Variants in ARHGAP28 observed in about 807,000 individuals in gnomAD.
The protein encoded by ARHGAP28 is Rho GTPase activating protein 28, also known as rho GTPase-activating protein 28.
In ARHGAP28, 56 loss-of-function variants were observed where a neutral mutation model predicts 90.7. The ratio of observed to expected loss-of-function variants is 0.62; its 90% CI spans 0.50 to 0.77. The LOEUF (loss-of-function observed/expected upper bound fraction) is 0.77, where lower values mean the gene tolerates loss of function less well. ARHGAP28 is among the 30% of genes least tolerant of loss of function. The pLI is 0.00. For missense variants in ARHGAP28, 869 were observed against 900.9 expected (o/e 0.96, Z 0.45); for synonymous variants, 308 against 323.3 (o/e 0.95, Z 0.51).
At chr18:6,784,121 T>C (rs966914154) in intron 1 of ARHGAP28, among the ~76,000 whole-genome samples, 3 of 152,090 alleles carry the variant, frequency 2.0e-5, no homozygotes, top group Non-Finnish European at 4.4e-5. Flanking sequence ...ATCCATGCAG[T>C]TGGAGATCCC....
intron 11 of ARHGAP28, 35 bp downstream of exon 11, chr18:6,882,334 A>G: frequency 6.3e-7 from 1 of 1,580,170 alleles, no homozygotes; most frequent in Non-Finnish European, 8.6e-7. Context: ...ATACGCTAAG[A>G]TATAAGGTCA....
chr18:6,900,744 G>A (rs893078999), intron 16 of ARHGAP28, among the ~76,000 whole-genome samples: 2 of 152,104 alleles, frequency 1.3e-5, no homozygotes, highest in Non-Finnish European at 2.9e-5. Context: ...GAGTGAGACT[G>A]AAAGAATATT....
At chr18:6,862,562 T>C (rs2057006983) in intron 5 of ARHGAP28, among the ~76,000 whole-genome samples, 1 of 152,242 alleles carries the variant, frequency 6.6e-6, no homozygotes, top group Non-Finnish European at 1.5e-5. Context: ...TGTCTGTCTC[T>C]ATGGTTTGTT....
chr18:6,830,738 A>G (rs1366463974), intron 2 of ARHGAP28, among the ~76,000 whole-genome samples: 1 of 152,214 alleles, frequency 6.6e-6, no homozygotes, highest in Non-Finnish European at 1.5e-5. Context: ...AAATAAGGTT[A>G]TATTCATAGA....
Position 6,914,883 on chromosome 18 carries a change from T to C in ARHGAP28, c.*2729T>C, listed in dbSNP as rs747923322. 4 of 152,632 alleles carry C rather than the reference T, an allele frequency of 2.6e-5. No homozygotes were observed. Among genetic ancestry groups the C allele is most frequent in the Non-Finnish European group, 5.9e-5 (4 of 68,032 alleles). The allele number at this position is 152,632 out of a possible 1,614,324, so 9.5% of individuals were successfully genotyped here. ...TTGTTAAGCAGCTCACTTGGAAATA[T>C]GATTCTTGGAGTCAATGATCTCTAA... On this transcript the variant is annotated 3_prime_UTR_variant, in exon 18 of 18. Transcript: ENST00000383472.
intron 16 of ARHGAP28, among the ~76,000 whole-genome samples, chr18:6,906,325 A>G (rs1412021518): frequency 1.3e-5 from 2 of 152,208 alleles, no homozygotes; most frequent in Admixed American, 6.5e-5. Flanking sequence ...TCAAAGGGAC[A>G]GTTCAATAGC....
intron 4 of ARHGAP28, among the ~76,000 whole-genome samples, chr18:6,852,347 T>G (rs948471981): frequency 1.3e-5 from 2 of 152,228 alleles, no homozygotes; most frequent in African/African-American, 4.8e-5. Flanking sequence ...AAATAATCTG[T>G]CAAGGTGTTG....
At chr18:6,869,253 C>T (rs77943753) in intron 6 of ARHGAP28, among the ~76,000 whole-genome samples, 1,499 of 68,082 alleles carry the variant, frequency 0.022, 121 homozygotes, top group Middle Eastern at 0.039. Flanking sequence ...TTTTGCCATT[C>T]TTTTTTTTTT....
intron 1 of ARHGAP28, among the ~76,000 whole-genome samples, chr18:6,741,562 A>C (rs1486369480): frequency 6.6e-6 from 1 of 152,236 alleles, no homozygotes; most frequent in African/African-American, 2.4e-5. Context: ...GATTTCGATT[A>C]TACCAATCCT....
chr18:6,819,752 T>C lies in ARHGAP28; in HGVS notation c.123-5010T>C, dbSNP rs561333669. On this transcript the variant is annotated intron_variant, in intron 1 of 17. Coordinates refer to ENST00000383472, the MANE Select transcript of ARHGAP28 (RefSeq NM_001366230.1). ...GATCTCTGTAGTCCCATGGTGTTTA[T>C]CTCAAAACGCTTTTAGCAGGAGGGA... 1.0e-3 allele frequency among the ~76,000 whole-genome samples: 158 copies of C among 152,194 alleles called. 1 individual carries two copies. Among genetic ancestry groups the C allele is most frequent in the Non-Finnish European group, 6.5e-4 (44 of 68,030 alleles).
chr18:6,885,103 T>A (rs946635415), intron 11 of ARHGAP28, among the ~76,000 whole-genome samples: 1 of 152,228 alleles, frequency 6.6e-6, no homozygotes, highest in Non-Finnish European at 1.5e-5. Context: ...TGCTGTATCA[T>A]CATTACTGCC....
At chr18:6,730,950 A>T (rs1354797249) in intron 1 of ARHGAP28, among the ~76,000 whole-genome samples, 1 of 152,160 alleles carries the variant, frequency 6.6e-6, no homozygotes, top group Non-Finnish European at 1.5e-5. Flanking sequence ...ATTTTAATTG[A>T]TTTCCTAATT....
At chr18:6,869,250 ATTCT>A (rs1190076592) in intron 6 of ARHGAP28, among the ~76,000 whole-genome samples, 52 of 103,810 alleles carry the variant, frequency 5.0e-4, no homozygotes, top group Admixed American at 4.9e-3. Context: ...TCCTTTTGCC[ATTCT>A]TTTTTTTTTT....
intron 1 of ARHGAP28, among the ~76,000 whole-genome samples, chr18:6,736,069 G>A (rs1299929903): frequency 6.6e-6 from 1 of 152,134 alleles, no homozygotes; most frequent in African/African-American, 2.4e-5. Flanking sequence ...TGAGACTGTG[G>A]AAATATCCTT....
intron 1 of ARHGAP28, among the ~76,000 whole-genome samples, chr18:6,805,613 G>A (rs1189876582): frequency 2.0e-5 from 3 of 150,160 alleles, no homozygotes; most frequent in Non-Finnish European, 4.4e-5. Context: ...AGCCTCCTGA[G>A]TAGCTGAGAT....
At chr18:6,767,747 T>C (rs2056210748) in intron 1 of ARHGAP28, among the ~76,000 whole-genome samples, 1 of 152,188 alleles carries the variant, frequency 6.6e-6, no homozygotes, top group African/African-American at 2.4e-5. Flanking sequence ...GTCAATATTT[T>C]CTCTTTATCT....
chr18:6,868,164 C>T lies in ARHGAP28; in HGVS notation c.741C>T (p.Thr247=). Residue 247 remains threonine (T), a synonymous_variant, in exon 6 of 18, where the codon ACC becomes ACT. Transcript: ENST00000383472. Reference sequence around the variant, plus strand: ...TTGCTTGGCAGGCTATACTTGAGACCATTCCAGTTCTACCAGTTCATTCCA... The same window carrying T: ...TTGCTTGGCAGGCTATACTTGAGACTATTCCAGTTCTACCAGTTCATTCCA... ...PRSDSVAILE[T]IPVLPVHSNG... is the part of the protein sequence containing the mutation. 2 of 1,614,038 alleles carry T rather than the reference C, an allele frequency of 1.2e-6. No homozygotes were observed. Among genetic ancestry groups the T allele is most frequent in the Non-Finnish European group, 1.7e-6 (2 of 1,179,928 alleles).
intron 7 of ARHGAP28, 79 bp downstream of exon 7, chr18:6,870,811 T>C: frequency 1.4e-6 from 2 of 1,462,052 alleles, no homozygotes; most frequent in Non-Finnish European, 1.8e-6. Context: ...TTTTCTTTTT[T>C]TTTTTTGAGA....
intron 1 of ARHGAP28, among the ~76,000 whole-genome samples, chr18:6,756,731 A>G (rs1600155499): frequency 6.6e-6 from 1 of 152,198 alleles, no homozygotes; most frequent in East Asian, 1.9e-4. Context: ...AGGGAAGCCG[A>G]CAGTGCAGCC....
Sources: allele counts gnomAD v4.1 joint callset (sites outside exome capture counted in the v4.1 genomes callset), GRCh38; gene constraint gnomAD v4.1.1; transcripts MANE v1.5; gene names NCBI Gene and HGNC (gene_info 2026-07-23, HGNC 2026-07-21).